Variants in PCCA observed in about 807,000 individuals in gnomAD.
PCCA encodes propionyl-CoA carboxylase alpha chain, mitochondrial.
PCCA carries 74 observed loss-of-function variants against 101.3 expected under a neutral mutation model. The ratio of observed to expected loss-of-function variants is 0.73; its 90% CI spans 0.61 to 0.89. The LOEUF is 0.89. Ranked by LOEUF, PCCA falls within the 40% of genes least tolerant of loss-of-function variation. The probability of loss-of-function intolerance (pLI) is 0.00; values close to 1 mark genes in which losing one functional copy is unlikely to be tolerated. For missense variants in PCCA, 891 were observed against 907.0 expected, an observed-to-expected ratio of 0.98 and a Z score of 0.23; for synonymous variants, 294 against 313.6, an observed-to-expected ratio of 0.94 and a Z score of 0.66.
At chr13:100,405,773 T>G (rs187618770) in intron 19 of PCCA, among the ~76,000 whole-genome samples, 14,079 of 145,564 alleles carry the variant, frequency 0.097, 731 homozygotes, top group South Asian at 0.15. Context: ...GACATTCTTT[T>G]TTTTTTTTTT....
At chr13:100,334,565 C>G (rs1215938654) in intron 17 of PCCA, among the ~76,000 whole-genome samples, 1 of 152,110 alleles carries the variant, frequency 6.6e-6, no homozygotes, top group Non-Finnish European at 1.5e-5. Flanking sequence ...ATGGGAAGAA[C>G]ACTTAAAAAT....
At chr13:100,463,044 G>T (rs547292056) in intron 21 of PCCA, among the ~76,000 whole-genome samples, 1 of 152,300 alleles carries the variant, frequency 6.6e-6, no homozygotes, top group East Asian at 1.9e-4. Context: ...GAGATAGCAG[G>T]TTGTAGAAAC....
intron 1 of PCCA, among the ~76,000 whole-genome samples, chr13:100,096,135 A>T (rs2046753035): frequency 6.6e-6 from 1 of 152,146 alleles, no homozygotes; most frequent in Non-Finnish European, 1.5e-5. Flanking sequence ...TTGACCCTGC[A>T]GATACTGCTT....
rs145160087 is a variant in PCCA, at chr13:100,309,353, C to T, written c.1354-480C>T. On this transcript the variant is annotated intron_variant, in intron 15 of 23. Coordinates refer to ENST00000376285, the MANE Select transcript of PCCA (RefSeq NM_000282.4). ...CGGAGGTTGCAGTGAGCTGAGATTG[C>T]GCCACTGCCCTCCAGCCTGGGCAAT... 6.0e-3 allele frequency among the ~76,000 whole-genome samples: 919 copies of T among 152,258 alleles called. 7 individuals are homozygous for T. The highest frequency in any genetic ancestry group is 0.02 in the African/African-American group (830 of 41,534).
intron 22 of PCCA, among the ~76,000 whole-genome samples, chr13:100,517,228 C>CT (rs573771119): frequency 1.2e-4 from 18 of 152,182 alleles, no homozygotes; most frequent in Non-Finnish European, 2.6e-4. Flanking sequence ...GCCCTGGCCC[C>CT]TCACACGGCC....
At chr13:100,501,329 G>A (rs1566466874) in intron 21 of PCCA, among the ~76,000 whole-genome samples, 1 of 152,232 alleles carries the variant, frequency 6.6e-6, no homozygotes, top group East Asian at 1.9e-4. Context: ...AATGTACATG[G>A]TACCCATTAA....
chr13:100,231,962 T>G (rs545087816), intron 7 of PCCA, among the ~76,000 whole-genome samples: 1 of 152,226 alleles, frequency 6.6e-6, no homozygotes, highest in Non-Finnish European at 1.5e-5. Context: ...TCTGTCTTAA[T>G]GTAGGTAAGG....
rs1447507328 is a variant in PCCA at position 100,302,915 on chromosome 13, A to T, written c.1210-9A>T. The T allele has an allele frequency of 6.4e-7, 1 of 1,550,460 alleles. No homozygotes were observed. Among genetic ancestry groups the T allele is most frequent in the Non-Finnish European group, 8.9e-7 (1 of 1,122,098 alleles). ...CAAAGACTGTGCTTCCTTTCCTTTG[A>T]ACTTTCAGGACCCCTACAAGTCTTT... On this transcript the variant is annotated splice_polypyrimidine_tract_variant and intron_variant, in intron 13 of 23. Coordinates refer to ENST00000376285, the MANE Select transcript of PCCA (RefSeq NM_000282.4).
intron 12 of PCCA, among the ~76,000 whole-genome samples, chr13:100,284,151 C>A (rs201698726): frequency 6.6e-6 from 1 of 152,252 alleles, no homozygotes; most frequent in East Asian, 1.9e-4. Context: ...TCCGAGGAAT[C>A]CTGGGACAGC....
chr13:100,468,008 G>A (rs1245279081), intron 21 of PCCA, among the ~76,000 whole-genome samples: 3 of 152,182 alleles, frequency 2.0e-5, no homozygotes, highest in Non-Finnish European at 4.4e-5. Flanking sequence ...CTTGATCCAT[G>A]GGCTGCGGAA....
intron 1 of PCCA, among the ~76,000 whole-genome samples, chr13:100,089,858 A>G (rs1317736141): frequency 6.6e-6 from 1 of 152,158 alleles, no homozygotes; most frequent in Non-Finnish European, 1.5e-5. Context: ...ACTGTTCTAA[A>G]CACATTTCAT....
chr13:100,235,083 G>T (rs559333567), intron 7 of PCCA, among the ~76,000 whole-genome samples: 1 of 152,216 alleles, frequency 6.6e-6, no homozygotes, highest in East Asian at 1.9e-4. Context: ...TCTTCTTAGA[G>T]GTAGAAGTGG....
intron 21 of PCCA, among the ~76,000 whole-genome samples, chr13:100,506,340 G>A (rs1468613681): frequency 7.4e-6 from 1 of 135,580 alleles, no homozygotes; most frequent in Non-Finnish European, 1.6e-5. Context: ...CCCTACCAGC[G>A]CTCATTTCTG....
chr13:100,320,749 G>A (rs1236134056), intron 16 of PCCA, among the ~76,000 whole-genome samples: 1 of 152,036 alleles, frequency 6.6e-6, no homozygotes, highest in Non-Finnish European at 1.5e-5. Flanking sequence ...GAGGATTTTT[G>A]CATCGATGTT....
intron 22 of PCCA, among the ~76,000 whole-genome samples, chr13:100,519,012 G>A (rs1212858160): frequency 1.3e-5 from 2 of 152,204 alleles, no homozygotes; most frequent in African/African-American, 4.8e-5. Context: ...TGACTTTGAA[G>A]TCAAATAAAG....
At chr13:100,492,875 A>T (rs1384230852) in intron 21 of PCCA, among the ~76,000 whole-genome samples, 1 of 151,478 alleles carries the variant, frequency 6.6e-6, no homozygotes, top group Non-Finnish European at 1.5e-5. Context: ...TCATCTTCCC[A>T]CTCTGTCCCC....
At chr13:100,501,240 G>A (rs1293839086) in intron 21 of PCCA, among the ~76,000 whole-genome samples, 2 of 151,902 alleles carry the variant, frequency 1.3e-5, no homozygotes, top group African/African-American at 4.8e-5. Context: ...GTAAACTTAC[G>A]AGGTACAAGT....
At chr13:100,403,323 C>T (rs553009896) in intron 19 of PCCA, among the ~76,000 whole-genome samples, 8 of 152,208 alleles carry the variant, frequency 5.3e-5, no homozygotes, top group South Asian at 2.1e-4. Flanking sequence ...TGTGTTAGGC[C>T]GTTTCTCACA....
At chr13:100,117,699 A>G (rs12876330) in intron 4 of PCCA, among the ~76,000 whole-genome samples, 1 of 152,076 alleles carries the variant, frequency 6.6e-6, no homozygotes, top group Non-Finnish European at 1.5e-5. Flanking sequence ...GTGCAGCAAA[A>G]CAACATGAGA....
Sources: gnomAD v4.1 joint callset for allele counts (sites outside exome capture counted in the v4.1 genomes callset) on GRCh38, gnomAD v4.1.1 for gene constraint, MANE v1.5 for transcripts, NCBI Gene and HGNC (gene_info 2026-07-23, HGNC 2026-07-21) for gene names.